Variants in WDR4 observed in about 807,000 individuals in gnomAD.
WDR4 encodes WDR4 tRNA N7-guanosine methyltransferase non-catalytic subunit, also known as tRNA (guanine-N(7)-)-methyltransferase non-catalytic subunit WDR4.
Under a neutral mutation model 48.6 loss-of-function variants are expected in WDR4, and 47 were observed. The observed-to-expected ratio is 0.97, with a 90% CI of 0.77 to 1.23. The LOEUF is 1.23. Among genes scored for constraint, WDR4 ranks in the 50% most tolerant of loss-of-function variants. WDR4 has a pLI of 0.00. For missense variants in WDR4, 606 were observed against 551.6 expected (o/e 1.10, Z -0.99); for synonymous variants, 268 against 230.0 (o/e 1.17, Z -1.49).
intron 3 of WDR4, among the ~76,000 whole-genome samples, chr21:42,864,375 C>T (rs2058199814): frequency 6.6e-6 from 1 of 152,068 alleles, no homozygotes; most frequent in Admixed American, 6.5e-5. Flanking sequence ...AGCCTTGCCG[C>T]TCCCCTGACC....
chr21:42,859,755 G>A (rs367670584), intron 5 of WDR4, 33 bp from the exon 6 acceptor site: 25 of 1,551,864 alleles, frequency 1.6e-5, no homozygotes, highest in African/African-American at 9.6e-5. Flanking sequence ...CAGAGTCAGC[G>A]AGCCCAGCGC....
In WDR4 at chr21:42,879,504, C is replaced by T. The variant is rs890578542; in HGVS notation, c.-9G>A. ...CCCACAGAGCCCGCCATGTACCCGC[C>T]CGCCTCACCGCCATACACATGTGCC... is the stretch of plus-strand genomic sequence containing the variant. On this transcript the variant is annotated 5_prime_UTR_variant, in exon 1 of 11. Coordinates refer to ENST00000398208, the MANE Select transcript of WDR4 (RefSeq NM_018669.6). 1.9e-6 allele frequency: 3 copies of T among 1,612,884 alleles called. No individual in the cohort carries two copies. The highest frequency in any genetic ancestry group is 2.7e-5 in the African/African-American group (2 of 74,900).
chr21:42,859,984 G>C (rs1032241891), intron 5 of WDR4, among the ~76,000 whole-genome samples: 1 of 152,068 alleles, frequency 6.6e-6, no homozygotes, highest in African/African-American at 2.4e-5. Flanking sequence ...AACCCAGGCC[G>C]CTCCTCAGCC....
the WDR4 span, among the ~76,000 whole-genome samples, chr21:42,890,302 C>T: frequency 2.4e-4 from 36 of 152,026 alleles, 1 homozygote; most frequent in Admixed American, 3.9e-4. Flanking sequence ...TTTAGGAGGC[C>T]GAGGTGGGGG....
intron 10 of WDR4, among the ~76,000 whole-genome samples, chr21:42,851,536 G>C (rs957502830): frequency 1.3e-5 from 2 of 152,182 alleles, no homozygotes; most frequent in East Asian, 3.9e-4. Flanking sequence ...GCAACTTCTT[G>C]TCGTGAATGA....
intron 11 of WDR4, among the ~76,000 whole-genome samples, chr21:42,844,114 A>T (rs550948125): frequency 6.6e-6 from 1 of 152,222 alleles, no homozygotes; most frequent in African/African-American, 2.4e-5. Flanking sequence ...ACGTGGAAAC[A>T]GAATCTACCA....
At chr21:42,859,886 G>A (rs943472348) in intron 5 of WDR4, among the ~76,000 whole-genome samples, 164 bp from the exon 6 acceptor site, 3 of 152,078 alleles carry the variant, frequency 2.0e-5, no homozygotes, top group Non-Finnish European at 4.4e-5. Flanking sequence ...ACCCTAACCT[G>A]GTTAGGGTTA....
At chr21:42,860,665 A>C (rs372107507) in intron 5 of WDR4, among the ~76,000 whole-genome samples, 2 of 152,280 alleles carry the variant, frequency 1.3e-5, no homozygotes, top group African/African-American at 4.8e-5. Flanking sequence ...CAGATAGGGC[A>C]CAGGACGCCC....
At chr21:42,846,958 T>C (rs1235285471), downstream of WDR4, among the ~76,000 whole-genome samples, 3 of 99,398 alleles carry the variant, frequency 3.0e-5, no homozygotes, top group Non-Finnish European at 6.0e-5. Context: ...GAGGCGGAGG[T>C]TGCAGTGAGG....
chr21:42,887,786 C>A, the WDR4 span, among the ~76,000 whole-genome samples: 43 of 151,744 alleles, frequency 2.8e-4, no homozygotes, highest in African/African-American at 1.0e-3. Context: ...GGCGTGGTGG[C>A]GTGTGCCTGT....
chr21:42,864,436 C>A (rs1469030146), intron 3 of WDR4, among the ~76,000 whole-genome samples: 1 of 152,180 alleles, frequency 6.6e-6, no homozygotes, highest in Non-Finnish European at 1.5e-5. Context: ...GAGCCTCAGA[C>A]AGAGAGCCGT....
chr21:42,865,002 G>A (rs2058216394), intron 3 of WDR4, among the ~76,000 whole-genome samples: 1 of 152,178 alleles, frequency 6.6e-6, no homozygotes, highest in Non-Finnish European at 1.5e-5. Context: ...GCCCACTGCG[G>A]CTGGAAATTG....
rs1430879409 is a variant in WDR4, at chr21:42,876,639, G to C, written c.155+63C>G. On this transcript the variant is annotated intron_variant, in intron 2 of 10. Coordinates refer to ENST00000398208, the MANE Select transcript of WDR4 (RefSeq NM_018669.6). ...CAAGTAGGACAACAATTGCTTCTTA[G>C]ACCCTCTGGTCCCATTATCGAACCA... 2.7e-6 allele frequency: 4 copies of C among 1,496,810 alleles called. No individual in the cohort carries two copies. The East Asian group carries it at 9.1e-5, about 34-fold the overall frequency. 92.7% of individuals were successfully genotyped at this position (1,496,810 alleles called of 1,614,324 possible).
the WDR4 span, among the ~76,000 whole-genome samples, chr21:42,889,467 C>T: frequency 6.6e-6 from 1 of 152,182 alleles, no homozygotes; most frequent in Admixed American, 6.5e-5. Flanking sequence ...ACATGTAGCC[C>T]TGCAAGGGTG....
chr21:42,864,252 A>G (rs1423817301), intron 3 of WDR4, among the ~76,000 whole-genome samples: 1 of 151,744 alleles, frequency 6.6e-6, no homozygotes, highest in African/African-American at 2.4e-5. Flanking sequence ...TGGTTCCTTA[A>G]CCCCAGAGTC....
intron 6 of WDR4, among the ~76,000 whole-genome samples, chr21:42,857,211 G>T (rs573191448): frequency 2.6e-5 from 4 of 152,162 alleles, no homozygotes; most frequent in African/African-American, 9.6e-5. Flanking sequence ...CCTGTCTCGG[G>T]GATGCCAAAT....
intron 3 of WDR4, among the ~76,000 whole-genome samples, chr21:42,872,173 G>A (rs145922122): frequency 8.0e-4 from 122 of 152,126 alleles, no homozygotes; most frequent in Middle Eastern, 3.4e-3. Flanking sequence ...TAGTAGAGAC[G>A]GGGTTTTGCC....
chr21:42,866,724 A>G (rs964926824), intron 3 of WDR4, among the ~76,000 whole-genome samples: 1 of 150,308 alleles, frequency 6.7e-6, no homozygotes, highest in Admixed American at 6.6e-5. Flanking sequence ...CCCCAAACCT[A>G]CTCCTCCTGC....
At chr21:42,847,851 G>A (rs375691988), downstream of WDR4, among the ~76,000 whole-genome samples, 2 of 152,226 alleles carry the variant, frequency 1.3e-5, no homozygotes, top group South Asian at 4.1e-4. Flanking sequence ...AGGTGAAGAT[G>A]CCAGCAAGAC....
Sources: allele counts gnomAD v4.1 joint callset (sites outside exome capture counted in the v4.1 genomes callset), GRCh38; gene constraint gnomAD v4.1.1; transcripts MANE v1.5; gene names NCBI Gene and HGNC (gene_info 2026-07-23, HGNC 2026-07-21).